NINJ2: variants seen among roughly 807,000 people sequenced by gnomAD.
The protein encoded by NINJ2 is ninjurin-2.
NINJ2 carries 12 observed loss-of-function variants against 11.7 expected under a neutral mutation model. That is an observed-to-expected ratio of 1.02 (90% CI 0.66 to 1.66). NINJ2 has a LOEUF of 1.66. Ranked by LOEUF, NINJ2 falls within the 40% of genes most tolerant of loss-of-function variation. NINJ2 has a pLI of 0.00. For missense variants in NINJ2, 187 were observed against 181.8 expected (o/e 1.03, Z -0.16); for synonymous variants, 93 against 76.8 (o/e 1.21, Z -1.10).
intron 1 of NINJ2, among the ~76,000 whole-genome samples, chr12:592,681 C>A (rs1347228610): frequency 6.6e-6 from 1 of 151,972 alleles, no homozygotes; most frequent in Non-Finnish European, 1.5e-5. Flanking sequence ...GCCTGGGCAC[C>A]AAAAGAAAAA....
chr12:631,276 A>G (rs748553291), intron 1 of NINJ2, among the ~76,000 whole-genome samples: 6 of 151,696 alleles, frequency 4.0e-5, no homozygotes, highest in Non-Finnish European at 8.8e-5. Flanking sequence ...GTCTCTAATG[A>G]CCCCTGGGGT....
At chr12:592,141 A>G (rs1947724724) in intron 1 of NINJ2, among the ~76,000 whole-genome samples, 1 of 151,920 alleles carries the variant, frequency 6.6e-6, no homozygotes, top group South Asian at 2.1e-4. Context: ...CTGCTAGGTG[A>G]CCTTGAACAA....
rs1484915014 is a variant in NINJ2, at chr12:585,076, G to A, written c.34-18898C>T. Among the ~76,000 whole-genome samples, 4 of 152,230 alleles carry A rather than the reference G, an allele frequency of 2.6e-5. No homozygotes were observed. Among genetic ancestry groups the A allele is most frequent in the African/African-American group, 7.2e-5 (3 of 41,462 alleles). ...GGAGGTTGAAGTGGGCTGAGATCGC[G>A]CCACTGCGCTCCAGCCTGGGAGACA... is the stretch of plus-strand genomic sequence containing the variant. On this transcript the variant is annotated intron_variant, in intron 1 of 3. Coordinates refer to ENST00000305108, the MANE Select transcript of NINJ2 (RefSeq NM_016533.6). This position sits in a 1 kb window ranked among gnomAD's most constrained non-coding sequence, Gnocchi z 4.1.
chr12:654,281 T>C lies in NINJ2; in HGVS notation c.33+9047A>G, dbSNP rs957238392. Among the ~76,000 whole-genome samples the C allele has an allele frequency of 5.2e-4, 79 of 152,224 alleles. 1 individual carries two copies. The highest frequency in any genetic ancestry group is 7.4e-5 in the Non-Finnish European group (5 of 68,004). ...GGCTCACGCCTGTAATCCCACACTT[T>C]GGGAGGCCGAGGTGGGCAGATCACC... On this transcript the variant is annotated intron_variant, in intron 1 of 3. Transcript: ENST00000305108.
chr12:622,815 A>G (rs776394366), intron 1 of NINJ2, among the ~76,000 whole-genome samples: 64 of 151,914 alleles, frequency 4.2e-4, no homozygotes, highest in Non-Finnish European at 7.2e-4. Context: ...TTCATGAATA[A>G]CTTTTCACAT....
intron 1 of NINJ2, chr12:631,022 GGA>G (rs1384245955): frequency 1.3e-5 from 2 of 152,398 alleles, no homozygotes; most frequent in Non-Finnish European, 2.9e-5. Flanking sequence ...AGGGGAAGGA[GGA>G]GAGTCAGTTA....
At chr12:607,757 A>T (rs1947958963) in intron 1 of NINJ2, among the ~76,000 whole-genome samples, 1 of 152,178 alleles carries the variant, frequency 6.6e-6, no homozygotes, top group Non-Finnish European at 1.5e-5. Flanking sequence ...GAGCAGCTCC[A>T]AATTGCTTTT....
At chr12:601,496 C>A (rs1241220607) in intron 1 of NINJ2, among the ~76,000 whole-genome samples, 11 of 150,380 alleles carry the variant, frequency 7.3e-5, no homozygotes, top group Admixed American at 2.7e-4. Context: ...TACAGTGAGC[C>A]AAGATCAGGC....
Position 634,265 on chromosome 12 carries a change from C to CTTTTTTTTTTTTTTTTTTTTTTTT in NINJ2, c.33+29039_33+29062dup, listed in dbSNP as rs67797144. Among the ~76,000 whole-genome samples, 21 of 59,526 alleles carry CTTTTTTTTTTTTTTTTTTTTTTTT rather than the reference C, an allele frequency of 3.5e-4. 2 individuals carry two copies. The highest frequency in any genetic ancestry group is 9.0e-4 in the Admixed American group (3 of 3,344). The allele number at this position is 59,526 out of a possible 152,430, so 39.1% of individuals were successfully genotyped here. A position where few individuals can be genotyped will look rare whatever the true frequency, so the allele number is the denominator to read the frequency against. ...AAATAAATGTTGATTAGTTGCAGTT[C>CTTTTTTTTTTTTTTTTTTTTTTTT]TTTTTTTTTTTTTTTTTTTTTTTTT... On this transcript the variant is annotated intron_variant, in intron 1 of 3. Coordinates refer to ENST00000305108, the MANE Select transcript of NINJ2 (RefSeq NM_016533.6).
At chr12:598,338 G>A (rs112197493) in intron 1 of NINJ2, among the ~76,000 whole-genome samples, 125 of 152,268 alleles carry the variant, frequency 8.2e-4, no homozygotes, top group African/African-American at 2.1e-3. Context: ...GCTCCATTCC[G>A]CCCCCACCCT....
At chr12:592,282 AG>A (rs1474200321) in intron 1 of NINJ2, among the ~76,000 whole-genome samples, 1 of 152,176 alleles carries the variant, frequency 6.6e-6, no homozygotes, top group African/African-American at 2.4e-5. Flanking sequence ...AACATGAGGG[AG>A]TCATCGTCAT....
chr12:611,544 G>C (rs1295548893), intron 1 of NINJ2, among the ~76,000 whole-genome samples: 1 of 152,182 alleles, frequency 6.6e-6, no homozygotes, highest in Admixed American at 6.5e-5. Flanking sequence ...CACCATGTTG[G>C]CCAGGCTGGT....
intron 1 of NINJ2, among the ~76,000 whole-genome samples, chr12:654,345 AC>A (rs1283392878): frequency 4.6e-5 from 7 of 150,914 alleles, no homozygotes; most frequent in African/African-American, 1.7e-4. Flanking sequence ...ACATGGAGAA[AC>A]CCCGTCTCTA....
chr12:627,998 C>T (rs938023607), intron 1 of NINJ2, among the ~76,000 whole-genome samples: 4 of 152,156 alleles, frequency 2.6e-5, no homozygotes, highest in East Asian at 1.9e-4. Flanking sequence ...CTGTCCCTGC[C>T]GCATCCTCCC....
rs755878816 is a variant in NINJ2 at position 663,370 on chromosome 12, C to G, written c.-10G>C. 5 of 1,614,074 alleles carry G rather than the reference C, an allele frequency of 3.1e-6. No homozygotes were observed. The highest frequency in any genetic ancestry group is 3.4e-6 in the Non-Finnish European group (4 of 1,180,038). ...CTCTTGCTGATTCCATCTCGCTGCC[C>G]TCAAGTCCCTTCACACGCACCGGGT... On this transcript the variant is annotated 5_prime_UTR_variant, in exon 1 of 4. Transcript: ENST00000305108.
Position 633,910 on chromosome 12 carries a change from C to T in NINJ2, c.33+29418G>A, listed in dbSNP as rs1948312915. On this transcript the variant is annotated intron_variant, in intron 1 of 3. Coordinates refer to ENST00000305108, the MANE Select transcript of NINJ2 (RefSeq NM_016533.6). This position sits in a 1 kb window ranked among gnomAD's most constrained non-coding sequence, Gnocchi z 4.3. ...AAAATCCCCCATAATTCGGCCCCACCCCACCTATCCAGTTGTGCTTTCCCC... is the reference window on the plus strand; with the variant it reads ...AAAATCCCCCATAATTCGGCCCCACTCCACCTATCCAGTTGTGCTTTCCCC... Among the ~76,000 whole-genome samples, 1 of 152,132 alleles carries T rather than the reference C, an allele frequency of 6.6e-6. No homozygotes were observed. The highest frequency in any genetic ancestry group is 2.4e-5 in the African/African-American group (1 of 41,416).
intron 1 of NINJ2, 63 bp downstream of exon 1, chr12:663,265 C>T: frequency 6.8e-7 from 1 of 1,467,164 alleles, no homozygotes; most frequent in Non-Finnish European, 9.4e-7. Context: ...TATCAATCCT[C>T]TGTTCTTCCA....
intron 1 of NINJ2, chr12:610,339 CACTT>C: frequency 6.5e-7 from 1 of 1,535,332 alleles, no homozygotes; most frequent in Non-Finnish European, 8.7e-7. Context: ...GCCAGAGGCA[CACTT>C]ACCATATACA....
intron 1 of NINJ2, among the ~76,000 whole-genome samples, chr12:648,996 G>GTCTGTCTGTCTATCTA (rs10633920): frequency 1.5e-3 from 219 of 149,006 alleles, no homozygotes; most frequent in African/African-American, 3.9e-3. Context: ...CTATCTATCT[G>GTCTGTCTGTCTATCTA]TCTATCTATC....
Sources: gnomAD v4.1 joint callset for allele counts (sites outside exome capture counted in the v4.1 genomes callset) on GRCh38, gnomAD v4.1.1 for gene constraint, Gnocchi (gnomAD v3.1) non-coding constraint, MANE v1.5 for transcripts, NCBI Gene and HGNC (gene_info 2026-07-23, HGNC 2026-07-21) for gene names.